Variants in SLC22A15 observed in about 807,000 individuals in gnomAD.
SLC22A15 encodes flipt 1.
In SLC22A15, 45 loss-of-function variants were observed where a neutral mutation model predicts 62.7. The ratio of observed to expected loss-of-function variants is 0.72; its 90% CI spans 0.56 to 0.92. The LOEUF (loss-of-function observed/expected upper bound fraction) is 0.92, where lower values mean the gene tolerates loss of function less well. Ranked by LOEUF, SLC22A15 falls within the 40% of genes least tolerant of loss-of-function variation. SLC22A15 has a pLI of 0.00. For missense variants in SLC22A15, 622 were observed against 665.6 expected (o/e 0.93, Z 0.72); for synonymous variants, 264 against 267.0 (o/e 0.99, Z 0.11).
At chr1:116,066,258 G>A (rs565895440) in intron 10 of SLC22A15, among the ~76,000 whole-genome samples, 29 of 152,066 alleles carry the variant, frequency 1.9e-4, no homozygotes, top group Admixed American at 5.2e-4. Context: ...TACCCACCCC[G>A]GACATGAAAT....
At chr1:116,004,830 A>G (rs1304959482) in intron 2 of SLC22A15, among the ~76,000 whole-genome samples, 1 of 152,130 alleles carries the variant, frequency 6.6e-6, no homozygotes, top group African/African-American at 2.4e-5. Flanking sequence ...GGGAGTTTTA[A>G]AATTATGAAT....
chr1:115,988,343 T>C (rs1418062112), intron 1 of SLC22A15, among the ~76,000 whole-genome samples: 1 of 152,072 alleles, frequency 6.6e-6, no homozygotes, highest in Non-Finnish European at 1.5e-5. Context: ...AATATTTTTG[T>C]TTTTTGGGGG....
chr1:115,978,037 C>A (rs1173051350), intron 1 of SLC22A15, among the ~76,000 whole-genome samples: 4 of 152,172 alleles, frequency 2.6e-5, no homozygotes, highest in Non-Finnish European at 5.9e-5. Context: ...GGAGAAAAAA[C>A]GTTCAAGCTA....
At chr1:115,990,815 T>G (rs1203724667) in intron 1 of SLC22A15, among the ~76,000 whole-genome samples, 1 of 152,220 alleles carries the variant, frequency 6.6e-6, no homozygotes, top group Non-Finnish European at 1.5e-5. Flanking sequence ...TGGAGTGCAG[T>G]GGCGTGATCT....
At chr1:115,979,917 A>G (rs1243521077) in intron 1 of SLC22A15, among the ~76,000 whole-genome samples, 2 of 151,878 alleles carry the variant, frequency 1.3e-5, no homozygotes, top group African/African-American at 4.8e-5. Flanking sequence ...CACCAGCAAA[A>G]TTGTGATGCT....
At position 116,066,514 on chromosome 1, in the gene SLC22A15, C is replaced by T; in HGVS notation, c.1366-6C>T. On this transcript the variant is annotated splice_region_variant and splice_polypyrimidine_tract_variant and intron_variant, in intron 10 of 11. Transcript: ENST00000369503. ...TTTATTTTCATTCCACTCCCCGCCT[C>T]TGCAGAAATATGTGCAATGGTCTTT... 2 of 1,586,182 alleles carry T rather than the reference C, an allele frequency of 1.3e-6. No individual in the cohort carries two copies. Among genetic ancestry groups the T allele is most frequent in the Non-Finnish European group, 1.7e-6 (2 of 1,164,392 alleles).
intron 2 of SLC22A15, among the ~76,000 whole-genome samples, chr1:116,002,389 T>C (rs1423208544): frequency 6.6e-6 from 1 of 151,828 alleles, no homozygotes; most frequent in African/African-American, 2.4e-5. Flanking sequence ...CTTTAGTCAG[T>C]GGGTGATTAC....
chr1:116,046,702 C>T (rs768900110), intron 8 of SLC22A15, among the ~76,000 whole-genome samples: 21 of 152,164 alleles, frequency 1.4e-4, no homozygotes, highest in Non-Finnish European at 2.4e-4. Flanking sequence ...CTGCAGGACC[C>T]GGAGACATTC....
chr1:116,015,517 T>C (rs948444178), intron 2 of SLC22A15, among the ~76,000 whole-genome samples: 1 of 152,202 alleles, frequency 6.6e-6, no homozygotes, highest in Non-Finnish European at 1.5e-5. Context: ...GCCTTTTCCA[T>C]GGATCTGAGA....
At chr1:116,063,943 T>C (rs1281749) in intron 9 of SLC22A15, among the ~76,000 whole-genome samples, 147,795 of 152,216 alleles carry the variant, frequency 0.97, 71,904 homozygotes, top group East Asian at 1. Context: ...ATGATTGACC[T>C]GTTAATTGTT....
At chr1:115,990,333 T>G (rs1332166445) in intron 1 of SLC22A15, among the ~76,000 whole-genome samples, 6 of 152,208 alleles carry the variant, frequency 3.9e-5, no homozygotes, top group Non-Finnish European at 8.8e-5. Context: ...CACTAGAACG[T>G]GTGTTTCGAG....
chr1:115,999,080 G>A (rs540885497), intron 2 of SLC22A15, among the ~76,000 whole-genome samples: 4 of 152,090 alleles, frequency 2.6e-5, no homozygotes, highest in South Asian at 2.1e-4. Flanking sequence ...TGTTTGTATC[G>A]TTTTCAAAGT....
intron 9 of SLC22A15, among the ~76,000 whole-genome samples, chr1:116,063,355 T>C (rs959132363): frequency 1.3e-5 from 2 of 152,196 alleles, no homozygotes; most frequent in African/African-American, 4.8e-5. Context: ...GGGTTCTTAA[T>C]GAATAGGATA....
chr1:116,045,345 C>A (rs992086340), intron 8 of SLC22A15, among the ~76,000 whole-genome samples: 3 of 151,864 alleles, frequency 2.0e-5, no homozygotes, highest in Non-Finnish European at 4.4e-5. Flanking sequence ...CCACGCCTGG[C>A]CAATACTAAA....
chr1:116,028,828 A>C (rs1298929289), intron 5 of SLC22A15, among the ~76,000 whole-genome samples: 1 of 152,050 alleles, frequency 6.6e-6, no homozygotes, highest in East Asian at 1.9e-4. Flanking sequence ...CTTTTTCAAC[A>C]ATCTTCTGCC....
At position 116,031,510 on chromosome 1, in the gene SLC22A15, G is replaced by C. The variant is rs776140967; in HGVS notation, c.873G>C (p.Glu291Asp). Residue 291 changes from glutamate (E) to aspartate (D), a missense_variant, in exon 6 of 12, where the codon GAG becomes GAC. Physicochemically the swap from Glu to Asp is conservative, Grantham distance 45 (BLOSUM62 2). Transcript: ENST00000369503. ...LTHPANRSCR[E>D]TGSFLDLFRY... ...ACCCAGCCAACAGGAGCTGCAGGGAGACTGGAAGTTTCCTGGATCTCTTTC... is the reference window on the plus strand; with the variant it reads ...ACCCAGCCAACAGGAGCTGCAGGGACACTGGAAGTTTCCTGGATCTCTTTC... 1.9e-6 allele frequency: 3 copies of C among 1,613,908 alleles called. No homozygotes were observed. The highest frequency in any genetic ancestry group is 2.7e-5 in the African/African-American group (2 of 74,934).
chr1:116,008,375 A>G (rs1237947367), intron 2 of SLC22A15, among the ~76,000 whole-genome samples: 1 of 152,200 alleles, frequency 6.6e-6, no homozygotes, highest in Non-Finnish European at 1.5e-5. Flanking sequence ...AACATTGATC[A>G]GTAATTGGCT....
chr1:116,022,461 A>T (rs993726147), intron 4 of SLC22A15, among the ~76,000 whole-genome samples: 2 of 152,172 alleles, frequency 1.3e-5, no homozygotes, highest in Non-Finnish European at 2.9e-5. Flanking sequence ...AGCACCATGA[A>T]TACATATTTT....
At chr1:116,035,130 A>C in intron 6 of SLC22A15, 57 bp from the exon 7 acceptor site, 1 of 1,561,088 alleles carries the variant, frequency 6.4e-7, no homozygotes, top group Non-Finnish European at 8.7e-7. Context: ...ATTCTTATGT[A>C]CTTTTCTGTT....
Sources: gnomAD v4.1 joint callset for allele counts (sites outside exome capture counted in the v4.1 genomes callset) on GRCh38, gnomAD v4.1.1 for gene constraint, MANE v1.5 for transcripts, NCBI Gene and HGNC (gene_info 2026-07-23, HGNC 2026-07-21) for gene names.